Variants in DISC1 observed in about 807,000 individuals in gnomAD.
DISC1 encodes DISC1 scaffold protein.
A neutral mutation model predicts 84.5 loss-of-function variants in DISC1; 57 were observed. That is an observed-to-expected ratio of 0.67 (90% CI 0.55 to 0.84). DISC1 has a LOEUF of 0.84. Ranked by LOEUF, DISC1 falls within the 40% of genes least tolerant of loss-of-function variation. The pLI is 0.00. For missense variants in DISC1, 1,000 were observed against 1,057.8 expected, an observed-to-expected ratio of 0.95 and a Z score of 0.76; for synonymous variants, 411 against 415.2, an observed-to-expected ratio of 0.99 and a Z score of 0.12.
intron 9 of DISC1, among the ~76,000 whole-genome samples, chr1:231,830,840 G>A (rs2082170017): frequency 6.6e-6 from 1 of 152,238 alleles, no homozygotes; most frequent in Non-Finnish European, 1.5e-5. Flanking sequence ...GCTGAGCTTG[G>A]TGAGGTGTGT....
intron 9 of DISC1, among the ~76,000 whole-genome samples, chr1:231,953,923 C>A (rs1374308124): frequency 6.6e-6 from 1 of 152,184 alleles, no homozygotes; most frequent in Non-Finnish European, 1.5e-5. Context: ...GATAGCAAGT[C>A]TGCCTGGGTG....
At position 232,002,595 on chromosome 1, in the gene DISC1, G is replaced by GCACACA. The variant is rs55740228; in HGVS notation, c.2043-6151_2043-6146dup. Among the ~76,000 whole-genome samples the GCACACA allele has an allele frequency of 5.4e-3, 779 of 143,714 alleles. 4 individuals carry two copies. The highest frequency in any genetic ancestry group is 0.012 in the Admixed American group (168 of 14,166). 94.3% of individuals were successfully genotyped at this position (143,714 alleles called of 152,430 possible). A position where few individuals can be genotyped will look rare whatever the true frequency, so the allele number is the denominator to read the frequency against. ...ACGAATCTCCAGGGAATTATGCTGA[G>GCACACA]CACACACACACACACACACACACAC... On this transcript the variant is annotated intron_variant, in intron 10 of 12. Coordinates refer to ENST00000439617, the MANE Select transcript of DISC1 (RefSeq NM_018662.3).
At position 232,040,624 on chromosome 1, in the gene DISC1, A is replaced by AATTT. The variant is rs1232403009; in HGVS notation, c.*3794_*3795insTTTA. On this transcript the variant is annotated 3_prime_UTR_variant, in exon 13 of 13. Transcript: ENST00000439617. The stretch of plus-strand genomic sequence containing the variant: ...ATGCTCTTAACTAGTGCTCTTCCTA[A>AATTT]AGTTCCTTTAATGTCCTTTTGAGAT... 9.2e-5 allele frequency: 14 copies of AATTT among 152,158 alleles called. No homozygotes were observed. Among genetic ancestry groups the AATTT allele is most frequent in the Non-Finnish European group, 1.9e-4 (13 of 68,032 alleles). 9.4% of individuals were successfully genotyped at this position (152,158 alleles called of 1,614,324 possible). A position where few individuals can be genotyped will look rare whatever the true frequency, so the allele number is the denominator to read the frequency against.
chr1:231,851,352 A>G (rs1488785845), intron 9 of DISC1, among the ~76,000 whole-genome samples: 2 of 152,190 alleles, frequency 1.3e-5, no homozygotes, highest in Non-Finnish European at 2.9e-5. Flanking sequence ...AGGAACCTGA[A>G]TGTACAGATG....
intron 9 of DISC1, among the ~76,000 whole-genome samples, chr1:231,955,445 T>G (rs889399522): frequency 6.6e-6 from 1 of 152,152 alleles, no homozygotes; most frequent in Non-Finnish European, 1.5e-5. Flanking sequence ...TTTCTGTTTT[T>G]TTTCTGGTGG....
chr1:231,634,506 G>C (rs2059024936), intron 1 of DISC1, among the ~76,000 whole-genome samples: 1 of 152,152 alleles, frequency 6.6e-6, no homozygotes, highest in African/African-American at 2.4e-5. Context: ...ATAGCTGCAG[G>C]CCAAGCAAAA....
At chr1:231,752,797 A>G (rs1221007575) in intron 4 of DISC1, among the ~76,000 whole-genome samples, 2 of 152,250 alleles carry the variant, frequency 1.3e-5, no homozygotes, top group African/African-American at 2.4e-5. Flanking sequence ...TCCAAGATAT[A>G]GACATTGGGT....
intron 6 of DISC1, among the ~76,000 whole-genome samples, chr1:231,779,383 G>A (rs2077203163): frequency 6.6e-6 from 1 of 151,954 alleles, no homozygotes; most frequent in Non-Finnish European, 1.5e-5. Flanking sequence ...TTACATAGAG[G>A]GCCTAATTGT....
chr1:231,721,674 T>TGTGTTCTGA (rs1387996428), intron 3 of DISC1, among the ~76,000 whole-genome samples: 1 of 152,130 alleles, frequency 6.6e-6, no homozygotes, highest in Non-Finnish European at 1.5e-5. Flanking sequence ...CTTTTCAAAT[T>TGTGTTCTGA]GTGTTCTGAG....
At chr1:231,663,158 G>A (rs2061702343) in intron 1 of DISC1, among the ~76,000 whole-genome samples, 1 of 152,150 alleles carries the variant, frequency 6.6e-6, no homozygotes, top group South Asian at 2.1e-4. Context: ...AACAAAAAGA[G>A]AGCTTTGGTG....
intron 6 of DISC1, among the ~76,000 whole-genome samples, chr1:231,773,519 G>T (rs376303880): frequency 6.6e-6 from 1 of 152,076 alleles, no homozygotes; most frequent in Admixed American, 6.5e-5. Context: ...TGAGTAGCTG[G>T]GACTACAGGC....
chr1:231,981,045 C>T (rs948235554), intron 10 of DISC1, among the ~76,000 whole-genome samples: 2 of 152,182 alleles, frequency 1.3e-5, no homozygotes, highest in Non-Finnish European at 2.9e-5. Flanking sequence ...CTCCTGGGCT[C>T]GATTAATTAT....
intron 3 of DISC1, among the ~76,000 whole-genome samples, chr1:231,706,305 A>G (rs2067084935): frequency 6.6e-6 from 1 of 152,212 alleles, no homozygotes; most frequent in African/African-American, 2.4e-5. Flanking sequence ...AGAGTCCTGC[A>G]GAGAGAGGAA....
intron 9 of DISC1, among the ~76,000 whole-genome samples, chr1:231,875,446 G>A (rs2085810412): frequency 1.3e-5 from 2 of 152,132 alleles, no homozygotes; most frequent in Non-Finnish European, 1.5e-5. Flanking sequence ...CTGTAAGGAT[G>A]GCCAGCTGCC....
chr1:231,936,313 T>A (rs1406880899), intron 9 of DISC1, among the ~76,000 whole-genome samples: 1 of 152,092 alleles, frequency 6.6e-6, no homozygotes, highest in Non-Finnish European at 1.5e-5. Flanking sequence ...ATCCAGCCAA[T>A]ACCTAGTTTT....
intron 9 of DISC1, among the ~76,000 whole-genome samples, chr1:231,836,458 GC>G (rs985849770): frequency 1.3e-5 from 2 of 152,270 alleles, no homozygotes; most frequent in Admixed American, 1.3e-4. Context: ...ATAGTTCCCT[GC>G]CCTTCTCTGC....
intron 3 of DISC1, among the ~76,000 whole-genome samples, chr1:231,748,657 A>T (rs1003563255): frequency 6.6e-6 from 1 of 152,106 alleles, no homozygotes; most frequent in African/African-American, 2.4e-5. Flanking sequence ...TCTGTTGAGA[A>T]TTTTTGTGTC....
At chr1:231,999,383 C>T (rs1666370005) in intron 10 of DISC1, among the ~76,000 whole-genome samples, 1 of 152,166 alleles carries the variant, frequency 6.6e-6, no homozygotes, top group Non-Finnish European at 1.5e-5. Context: ...ACCTGGATTT[C>T]CTGACCTCCA....
intron 10 of DISC1, among the ~76,000 whole-genome samples, chr1:231,967,528 TAG>T (rs1294530941): frequency 6.6e-6 from 1 of 152,220 alleles, no homozygotes; most frequent in Non-Finnish European, 1.5e-5. Flanking sequence ...CAGTTTAAAT[TAG>T]AGAGTGTTGA....
Sources: gnomAD v4.1 joint callset for allele counts (sites outside exome capture counted in the v4.1 genomes callset) on GRCh38, gnomAD v4.1.1 for gene constraint, MANE v1.5 for transcripts, NCBI Gene and HGNC (gene_info 2026-07-23, HGNC 2026-07-21) for gene names.